Variants in PGM2L1 observed in about 807,000 individuals in gnomAD.
PGM2L1 encodes glucose 1,6-bisphosphate synthase.
A neutral mutation model predicts 73.4 loss-of-function variants in PGM2L1; 35 were observed. The observed-to-expected ratio is 0.48, with a 90% CI of 0.36 to 0.63. The LOEUF is 0.63. PGM2L1 is among the 30% of genes least tolerant of loss of function. The pLI is 0.00. For missense variants in PGM2L1, 570 were observed against 742.0 expected (o/e 0.77, Z 2.69); for synonymous variants, 225 against 253.8 (o/e 0.89, Z 1.08).
chr11:74,342,777 T>A, intron 11 of PGM2L1, 108 bp downstream of exon 11: 1 of 1,395,298 alleles, frequency 7.2e-7, no homozygotes, highest in Non-Finnish European at 9.6e-7. Flanking sequence ...ATAATTTTAA[T>A]ACTTTTTAAA....
Position 74,331,381 on chromosome 11 carries a change from G to C in PGM2L1, c.*5271C>G, listed in dbSNP as rs968307076. On this transcript the variant is annotated 3_prime_UTR_variant, in exon 14 of 14. Transcript: ENST00000298198. ...GGGTTCAAGTGATTCTCCTGCCTCA[G>C]CCTCCCGAGTAGCTGGGATTACAGG... 2.4e-4 allele frequency: 36 copies of C among 151,172 alleles called. No individual in the cohort carries two copies. Among genetic ancestry groups the C allele is most frequent in the African/African-American group, 8.3e-4 (34 of 41,140 alleles). The allele number at this position is 151,172 out of a possible 1,614,324, so 9.4% of individuals were successfully genotyped here.
chr11:74,342,497 G>A lies in PGM2L1; in HGVS notation c.1596C>T (p.Thr532=). ...TAGGCTGGCTACTGTCATATCCAGT[G>A]GTAACGTCCCGTACATGCAATATAG... The part of the protein sequence containing the change: ...TFAILHVRDV[T]TGYDSSQPNK... Residue 532 remains threonine (T), a synonymous_variant, in exon 12 of 14, where the codon ACC becomes ACT. Transcript: ENST00000298198. 11 of 1,571,686 alleles carry A rather than the reference G, an allele frequency of 7.0e-6. No homozygotes were observed. The highest frequency in any genetic ancestry group is 9.5e-6 in the Non-Finnish European group (11 of 1,161,408).
chr11:74,386,092 T>G (rs1333289001), intron 1 of PGM2L1, among the ~76,000 whole-genome samples: 1 of 152,100 alleles, frequency 6.6e-6, no homozygotes, highest in Non-Finnish European at 1.5e-5. Context: ...TGATAAAAAT[T>G]ACATATATAA....
chr11:74,384,841 C>G (rs892110006), intron 1 of PGM2L1, among the ~76,000 whole-genome samples: 3 of 152,158 alleles, frequency 2.0e-5, no homozygotes, highest in African/African-American at 7.2e-5. Flanking sequence ...CTTTGGACTT[C>G]TAACCTAAAG....
At chr11:74,385,462 A>G (rs77257327) in intron 1 of PGM2L1, among the ~76,000 whole-genome samples, 9 of 152,292 alleles carry the variant, frequency 5.9e-5, no homozygotes, top group African/African-American at 1.7e-4. Context: ...TTAAAATTTT[A>G]TACCATTATC....
chr11:74,355,603 C>T (rs1862437324), intron 5 of PGM2L1: 2 of 371,714 alleles, frequency 5.4e-6, no homozygotes, highest in Non-Finnish European at 1.0e-5. Context: ...AGGGAAGAAA[C>T]TTTGGAGGCA....
In PGM2L1 at chr11:74,390,303, G is replaced by T. The variant is rs187486185; in HGVS notation, c.111+7748C>A. Among the ~76,000 whole-genome samples the T allele has an allele frequency of 8.1e-4, 123 of 152,204 alleles. 2 individuals carry two copies. Among genetic ancestry groups the T allele is most frequent in the African/African-American group, 2.9e-3 (119 of 41,528 alleles). ...TCACTCCTTTTCAAATATATCTATGGAAAAATTACTACACTGTGTAGTTTT... is the reference window on the plus strand; with the variant it reads ...TCACTCCTTTTCAAATATATCTATGTAAAAATTACTACACTGTGTAGTTTT... On this transcript the variant is annotated intron_variant, in intron 1 of 13. Coordinates refer to ENST00000298198, the MANE Select transcript of PGM2L1 (RefSeq NM_173582.6).
Position 74,336,683 on chromosome 11 carries a change from C to G in PGM2L1, c.1838G>C (p.Ser613Thr). 6.2e-7 allele frequency: 1 copy of G among 1,612,382 alleles called. No individual in the cohort carries two copies. The highest frequency in any genetic ancestry group is 8.5e-7 in the Non-Finnish European group (1 of 1,178,792). The change falls in exon 14 of 14, where the codon AGT becomes ACT. Residue 613 changes from serine (S) to threonine (T), a missense_variant. Transcript: ENST00000298198. ...DALIENFLQPSKNGLIWRSV is the reference protein window; with the variant it reads ...DALIENFLQPTKNGLIWRSV The stretch of plus-strand genomic sequence containing the variant: ...AGAACGCCAGATCAGTCCATTCTTA[C>G]TAGGCTGAAGAAAATTCTCTATCAG...
At chr11:74,370,596 T>C (rs1370380968) in intron 4 of PGM2L1, among the ~76,000 whole-genome samples, 1 of 152,192 alleles carries the variant, frequency 6.6e-6, no homozygotes, top group Non-Finnish European at 1.5e-5. Context: ...TCAAGCCTGT[T>C]AACAATGTGT....
intron 2 of PGM2L1, among the ~76,000 whole-genome samples, chr11:74,372,755 T>C (rs1309239634): frequency 1.3e-5 from 2 of 152,216 alleles, no homozygotes; most frequent in Non-Finnish European, 2.9e-5. Flanking sequence ...ACCTATTATA[T>C]GGCAGGCACT....
chr11:74,366,350 T>A (rs1862657794), intron 5 of PGM2L1, among the ~76,000 whole-genome samples: 1 of 146,926 alleles, frequency 6.8e-6, no homozygotes, highest in Non-Finnish European at 1.5e-5. Context: ...ACCCTAGAAC[T>A]TAAAGTATAA....
At chr11:74,350,735 G>A (rs567816738) in intron 6 of PGM2L1, among the ~76,000 whole-genome samples, 1 of 152,114 alleles carries the variant, frequency 6.6e-6, no homozygotes, top group African/African-American at 2.4e-5. Context: ...AAATTAGCCA[G>A]GCATGGTAGT....
intron 13 of PGM2L1, among the ~76,000 whole-genome samples, chr11:74,338,258 G>A (rs1390497161): frequency 2.0e-5 from 3 of 152,146 alleles, no homozygotes; most frequent in Admixed American, 6.5e-5. Flanking sequence ...GCTGAGGGCC[G>A]TAAAGGAGGG....
rs1039200700 is a variant in PGM2L1 at position 74,331,797 on chromosome 11, A to T, written c.*4855T>A. On this transcript the variant is annotated 3_prime_UTR_variant, in exon 14 of 14. Transcript: ENST00000298198. ...ACAGAACACACTTCATGTCAGTGGTAGGCTGATTCTGATTTTGCTCTCAGA... is the reference window on the plus strand; with the variant it reads ...ACAGAACACACTTCATGTCAGTGGTTGGCTGATTCTGATTTTGCTCTCAGA... The T allele has an allele frequency of 3.9e-5, 6 of 152,344 alleles. No homozygotes were observed. The highest frequency in any genetic ancestry group is 2.9e-5 in the Non-Finnish European group (2 of 68,030). 9.4% of individuals were successfully genotyped at this position (152,344 alleles called of 1,614,324 possible).
chr11:74,395,549 C>CTTTTTTTTTTT lies in PGM2L1; in HGVS notation c.111+2491_111+2501dup, dbSNP rs60883108. Among the ~76,000 whole-genome samples the CTTTTTTTTTTT allele has an allele frequency of 2.5e-4, 16 of 64,944 alleles. 1 individual carries two copies. The highest frequency in any genetic ancestry group is 6.8e-4 in the East Asian group (1 of 1,474). The allele number at this position is 64,944 out of a possible 152,430, so 42.6% of individuals were successfully genotyped here. A position where few individuals can be genotyped will look rare whatever the true frequency, so the allele number is the denominator to read the frequency against. On this transcript the variant is annotated intron_variant, in intron 1 of 13. Coordinates refer to ENST00000298198, the MANE Select transcript of PGM2L1 (RefSeq NM_173582.6). ...TACAGGCACGTGACACCTCGCCTGG[C>CTTTTTTTTTTT]TTTTTTTTTTTTTTTTTTTTTTTTT...
chr11:74,361,091 G>C (rs945051209), intron 5 of PGM2L1, among the ~76,000 whole-genome samples: 11 of 152,192 alleles, frequency 7.2e-5, no homozygotes, highest in Non-Finnish European at 1.6e-4. Flanking sequence ...AGAACGGAGA[G>C]ACTGCCTCCT....
rs917106165 is a variant in PGM2L1 at position 74,360,333 on chromosome 11, GA to G, written c.555+8158del. 1.4e-3 allele frequency among the ~76,000 whole-genome samples: 213 copies of G among 146,898 alleles called. 1 individual carries two copies. Among genetic ancestry groups the G allele is most frequent in the African/African-American group, 4.7e-3 (188 of 40,142 alleles). ...GGGACGGAGGGAGGGAGGTAAGAAG[GA>G]AAAAAAAAAGGCAGGTAAGTGGTAC... On this transcript the variant is annotated intron_variant, in intron 5 of 13. Transcript: ENST00000298198.
intron 5 of PGM2L1, among the ~76,000 whole-genome samples, chr11:74,359,968 C>A (rs181730750): frequency 6.6e-6 from 1 of 152,116 alleles, no homozygotes; most frequent in Non-Finnish European, 1.5e-5. Context: ...TCTCTACCTA[C>A]GAACTTACAT....
At position 74,374,052 on chromosome 11, in the gene PGM2L1, C is replaced by CAAAAA. The variant is rs60395088; in HGVS notation, c.279+358_279+362dup. On this transcript the variant is annotated intron_variant, in intron 2 of 13. Coordinates refer to ENST00000298198, the MANE Select transcript of PGM2L1 (RefSeq NM_173582.6). Reference sequence around the variant, plus strand: ...AATGGCACTACCTAATTTATAAAGCCAAAAAAAAAAAAAAAAAAAACCAGA... The same window carrying CAAAAA: ...AATGGCACTACCTAATTTATAAAGCCAAAAAAAAAAAAAAAAAAAAAAAAACCAGA... 1.2e-4 allele frequency among the ~76,000 whole-genome samples: 10 copies of CAAAAA among 85,628 alleles called. 1 individual carries two copies. The highest frequency in any genetic ancestry group is 1.4e-4 in the Admixed American group (1 of 6,932). 56.2% of individuals were successfully genotyped at this position (85,628 alleles called of 152,430 possible). A position where few individuals can be genotyped will look rare whatever the true frequency, so the allele number is the denominator to read the frequency against.
Sources: allele counts gnomAD v4.1 joint callset (sites outside exome capture counted in the v4.1 genomes callset), GRCh38; gene constraint gnomAD v4.1.1; transcripts MANE v1.5; gene names NCBI Gene and HGNC (gene_info 2026-07-23, HGNC 2026-07-21).